SV2C: variants seen among roughly 807,000 people sequenced by gnomAD.
SV2C encodes the protein synaptic vesicle glycoprotein 2C, also known as solute carrier family 22 member B3.
Under a neutral mutation model 79.7 loss-of-function variants are expected in SV2C, and 49 were observed. The ratio of observed to expected loss-of-function variants is 0.61; its 90% CI spans 0.49 to 0.78. The LOEUF is 0.78. SV2C is among the 30% of genes least tolerant of loss of function. The pLI is 0.00. For missense variants in SV2C, 833 were observed against 912.9 expected (o/e 0.91, Z 1.13); for synonymous variants, 334 against 333.2 (o/e 1.00, Z -0.03).
chr5:76,062,591 A>C, the SV2C span, among the ~76,000 whole-genome samples: 1 of 151,940 alleles, frequency 6.6e-6, no homozygotes, highest in African/African-American at 2.4e-5. Flanking sequence ...AGATGTTTAC[A>C]TGAACTTCGA....
At chr5:75,940,734 T>A in the SV2C span, among the ~76,000 whole-genome samples, 1 of 152,204 alleles carries the variant, frequency 6.6e-6, no homozygotes, top group African/African-American at 2.4e-5. Context: ...GTTACAACAC[T>A]GTTTCATGAT....
At chr5:76,035,816 T>G in the SV2C span, among the ~76,000 whole-genome samples, 1 of 152,094 alleles carries the variant, frequency 6.6e-6, no homozygotes, top group Non-Finnish European at 1.5e-5. Flanking sequence ...ACTTTCTGTC[T>G]CGTTGATCTG....
chr5:76,353,155 G>A (rs527302141), exon 13 of SV2C: 173 of 448,928 alleles, frequency 3.9e-4, no homozygotes, highest in African/African-American at 3.0e-3. Context: ...ATGTTGCCCC[G>A]GCTGATCTTG....
At chr5:76,135,183 G>T (rs1365222955) in intron 2 of SV2C, among the ~76,000 whole-genome samples, 1 of 152,174 alleles carries the variant, frequency 6.6e-6, no homozygotes, top group Non-Finnish European at 1.5e-5. Context: ...TGAAAGAATG[G>T]CAGTTCATTA....
At chr5:76,041,637 A>C in the SV2C span, among the ~76,000 whole-genome samples, 1 of 152,064 alleles carries the variant, frequency 6.6e-6, no homozygotes, top group South Asian at 2.1e-4. Flanking sequence ...TCATCTTATG[A>C]ACTTTGTGCA....
At chr5:75,902,165 C>T in the SV2C span, among the ~76,000 whole-genome samples, 1 of 152,228 alleles carries the variant, frequency 6.6e-6, no homozygotes, top group African/African-American at 2.4e-5. Context: ...ATGCAGAAAT[C>T]ACCCGTCTTC....
At chr5:76,118,860 GT>G (rs377174555) in intron 1 of SV2C, among the ~76,000 whole-genome samples, 145 of 152,278 alleles carry the variant, frequency 9.5e-4, no homozygotes, top group African/African-American at 3.2e-3. Context: ...GCACATGCTT[GT>G]ATTCCCAGCT....
At chr5:75,895,625 A>G in the SV2C span, among the ~76,000 whole-genome samples, 38,108 of 151,996 alleles carry the variant, frequency 0.25, 5,375 homozygotes, top group East Asian at 0.42. Flanking sequence ...GAAGGGCATG[A>G]TGGGCTCAGA....
At chr5:75,866,600 G>GT in the SV2C span, among the ~76,000 whole-genome samples, 1 of 152,166 alleles carries the variant, frequency 6.6e-6, no homozygotes, top group African/African-American at 2.4e-5. Flanking sequence ...TATTTTCCTA[G>GT]TGAAGACAAA....
chr5:76,093,632 C>T (rs1017562586), intron 1 of SV2C, among the ~76,000 whole-genome samples: 3 of 152,304 alleles, frequency 2.0e-5, no homozygotes, highest in African/African-American at 4.8e-5. Context: ...TCCAGTGAAT[C>T]GGAATGCAAC....
intron 12 of SV2C, among the ~76,000 whole-genome samples, chr5:76,350,202 C>T (rs1749620923): frequency 6.6e-6 from 1 of 152,162 alleles, no homozygotes; most frequent in Non-Finnish European, 1.5e-5. Context: ...TGTGATTTTC[C>T]TCTCTAGGGG....
At chr5:76,182,788 G>T (rs188579022) in intron 2 of SV2C, among the ~76,000 whole-genome samples, 1 of 152,052 alleles carries the variant, frequency 6.6e-6, no homozygotes, top group African/African-American at 2.4e-5. Context: ...AGAAAGGGTC[G>T]TGATGCTGCA....
In SV2C at chr5:76,131,839, T is replaced by C; in HGVS notation, c.89T>C (p.Val30Ala). The C allele has an allele frequency of 1.2e-6, 2 of 1,613,944 alleles. No homozygotes were observed. Among genetic ancestry groups the C allele is most frequent in the Non-Finnish European group, 1.7e-6 (2 of 1,179,962 alleles). Residue 30 changes from valine to alanine, a missense_variant, in exon 2 of 13, where the codon GTG (valine) becomes GCG (alanine). Transcript: ENST00000502798. Reference sequence around the variant, plus strand: ...GTGAAGAAACAAACAGTAAAGAAGGTGAATCAAGCTGTGGACCGAGCCCAG... The same window carrying C: ...GTGAAGAAACAAACAGTAAAGAAGGCGAATCAAGCTGTGGACCGAGCCCAG... ...REVKKQTVKK[V>A]NQAVDRAQDE...
intron 2 of SV2C, among the ~76,000 whole-genome samples, chr5:76,139,854 G>A (rs1288850290): frequency 4.6e-5 from 3 of 64,814 alleles, no homozygotes; most frequent in Non-Finnish European, 8.8e-5. Context: ...GCTCTTGAAA[G>A]TATTTTTTTT....
intron 4 of SV2C, among the ~76,000 whole-genome samples, chr5:76,211,011 G>T (rs575230661): frequency 4.8e-4 from 73 of 152,268 alleles, no homozygotes; most frequent in Non-Finnish European, 8.2e-4. Flanking sequence ...AAGTAGAGGT[G>T]GGAGGATACA....
chr5:75,855,066 G>T, the SV2C span, among the ~76,000 whole-genome samples: 2 of 152,004 alleles, frequency 1.3e-5, no homozygotes, highest in Non-Finnish European at 2.9e-5. Flanking sequence ...TAAGTCCTTT[G>T]ACTTTGTTTT....
At chr5:76,301,838 G>C (rs897381266) in intron 12 of SV2C, among the ~76,000 whole-genome samples, 1 of 150,370 alleles carries the variant, frequency 6.7e-6, no homozygotes, top group Admixed American at 6.7e-5. Flanking sequence ...GAACCCAGGA[G>C]GCAGAGGTTG....
At chr5:76,204,019 C>G (rs1744532774) in intron 3 of SV2C, among the ~76,000 whole-genome samples, 1 of 152,142 alleles carries the variant, frequency 6.6e-6, no homozygotes, top group African/African-American at 2.4e-5. Context: ...ATTTTCTGTG[C>G]CAACCTAGCC....
At chr5:75,988,337 G>A in the SV2C span, among the ~76,000 whole-genome samples, 1 of 151,790 alleles carries the variant, frequency 6.6e-6, no homozygotes, top group Non-Finnish European at 1.5e-5. Flanking sequence ...AAAGTTTCCC[G>A]CTATGGTAAA....
Sources: gnomAD v4.1 joint callset for allele counts (sites outside exome capture counted in the v4.1 genomes callset) on GRCh38, gnomAD v4.1.1 for gene constraint, MANE v1.5 for transcripts, NCBI Gene and HGNC (gene_info 2026-07-23, HGNC 2026-07-21) for gene names.